Variants in KPNA7 observed in about 807,000 individuals in gnomAD.
KPNA7 encodes the protein karyopherin subunit alpha 7.
KPNA7 carries 54 observed loss-of-function variants against 53.7 expected under a neutral mutation model. The observed-to-expected ratio is 1.01, with a 90% CI of 0.81 to 1.26. KPNA7 has a LOEUF of 1.26. Among genes scored for constraint, KPNA7 ranks in the 50% most tolerant of loss-of-function variants. The pLI, the probability that KPNA7 is intolerant of heterozygous loss-of-function variation, is 0.00. For synonymous variants in KPNA7, 276 were observed against 259.3 expected (o/e 1.06, Z -0.62); for missense variants, 640 against 644.5 (o/e 0.99, Z 0.07).
chr7:99,161,235 CT>C, the KPNA7 span, among the ~76,000 whole-genome samples: 3 of 2,504 alleles, frequency 1.2e-3, no homozygotes, highest in African/African-American at 2.1e-3. Flanking sequence ...CTCTCTCTCT[CT>C]CTCTCTCTCT....
In KPNA7 at chr7:99,173,639, A is replaced by G; in HGVS notation, c.*69T>C. On this transcript the variant is annotated 3_prime_UTR_variant, in exon 11 of 11. Transcript: ENST00000327442. ...TCACATTTGGGTTACACTAAGATAG[A>G]GGACTGCTGCTTCTTAAAGAAGTTA... 1.1e-6 allele frequency: 1 copy of G among 942,072 alleles called. No homozygotes were observed. Among genetic ancestry groups the G allele is most frequent in the South Asian group, 1.6e-5 (1 of 64,100 alleles). The allele number at this position is 942,072 out of a possible 1,614,324, so 58.4% of individuals were successfully genotyped here.
intron 2 of KPNA7, among the ~76,000 whole-genome samples, chr7:99,204,347 G>A (rs1417395564): frequency 6.6e-6 from 1 of 151,840 alleles, no homozygotes; most frequent in African/African-American, 2.4e-5. Context: ...ACTCCAGCCT[G>A]GGCAATAGAG....
chr7:99,158,342 A>C, the KPNA7 span, among the ~76,000 whole-genome samples: 1 of 151,778 alleles, frequency 6.6e-6, no homozygotes, highest in Admixed American at 6.6e-5. Flanking sequence ...TCTTTCCTCT[A>C]TGTTTTTTTT....
chr7:99,195,629 G>A (rs1790189936), intron 4 of KPNA7, among the ~76,000 whole-genome samples: 1 of 152,176 alleles, frequency 6.6e-6, no homozygotes, highest in Non-Finnish European at 1.5e-5. Context: ...CTTGAACCCA[G>A]TAGGCGGAGG....
intron 8 of KPNA7, among the ~76,000 whole-genome samples, chr7:99,183,267 T>A (rs1789375814): frequency 6.6e-6 from 1 of 151,874 alleles, no homozygotes; most frequent in Non-Finnish European, 1.5e-5. Flanking sequence ...ATAATAATAA[T>A]TGCTCAATAA....
rs1790861637 is a variant in KPNA7, at chr7:99,207,269, G to A, written c.66+132C>T. The stretch of plus-strand genomic sequence containing the variant: ...AGGATCGTCTTAACCTCCTGACCTT[G>A]TGATCTGCCCGTCTCAGCCTCTCAA... On this transcript the variant is annotated intron_variant, in intron 2 of 10. Transcript: ENST00000327442. The A allele has an allele frequency of 6.9e-6, 5 of 726,112 alleles. No individual in the cohort carries two copies. In the Admixed American group the frequency reaches 1.1e-4, roughly 15 times the overall value. 45.0% of individuals were successfully genotyped at this position (726,112 alleles called of 1,614,324 possible). A position where few individuals can be genotyped will look rare whatever the true frequency, so the allele number is the denominator to read the frequency against.
chr7:99,202,837 C>A (rs1305879908), intron 3 of KPNA7, among the ~76,000 whole-genome samples: 1 of 151,762 alleles, frequency 6.6e-6, no homozygotes, highest in Non-Finnish European at 1.5e-5. Context: ...CAGAGTGAGA[C>A]CTGTCTCAAA....
chr7:99,164,836 G>A, the KPNA7 span, among the ~76,000 whole-genome samples: 6 of 152,272 alleles, frequency 3.9e-5, no homozygotes, highest in South Asian at 2.1e-4. Flanking sequence ...GGTGGCTCAC[G>A]CCTGTAATCC....
intron 10 of KPNA7, among the ~76,000 whole-genome samples, chr7:99,176,984 C>T (rs1351952485): frequency 3.3e-5 from 5 of 152,106 alleles, no homozygotes; most frequent in Non-Finnish European, 4.4e-5. Context: ...ACTCACATGT[C>T]GATTGACAGG....
chr7:99,213,054 GT>G (rs1791117387), upstream of KPNA7, among the ~76,000 whole-genome samples: 1 of 151,950 alleles, frequency 6.6e-6, no homozygotes, highest in Admixed American at 6.6e-5. Flanking sequence ...GTCTCCAAGA[GT>G]TGAGACATAG....
At chr7:99,152,482 A>G in the KPNA7 span, among the ~76,000 whole-genome samples, 153 of 152,274 alleles carry the variant, frequency 1.0e-3, 1 homozygote, top group African/African-American at 3.6e-3. Flanking sequence ...ATGGGCATAC[A>G]AAGGGAAGTG....
chr7:99,153,542 A>C, the KPNA7 span, among the ~76,000 whole-genome samples: 2 of 139,218 alleles, frequency 1.4e-5, no homozygotes, highest in East Asian at 2.0e-4. Context: ...AGAGCGAGAC[A>C]CTGTCTCAAA....
At chr7:99,157,819 G>A in the KPNA7 span, among the ~76,000 whole-genome samples, 2 of 152,150 alleles carry the variant, frequency 1.3e-5, no homozygotes, top group African/African-American at 4.8e-5. Context: ...CTGTCACCCA[G>A]GCTGGAGTGC....
In KPNA7 at chr7:99,198,561, T is replaced by G. The variant is rs574327588; in HGVS notation, c.202-2395A>C. ...ATCATCTCAATGCAGAAAAAACATT[T>G]AATGAAATTCAACATACTTCCATAA... is the stretch of plus-strand genomic sequence containing the variant. On this transcript the variant is annotated intron_variant, in intron 3 of 10. Coordinates refer to ENST00000327442, the MANE Select transcript of KPNA7 (RefSeq NM_001145715.3). 8.5e-5 allele frequency among the ~76,000 whole-genome samples: 13 copies of G among 152,180 alleles called. No homozygotes were observed. The South Asian group carries it at 2.7e-3, about 32-fold the overall frequency.
upstream of KPNA7, among the ~76,000 whole-genome samples, chr7:99,209,832 C>G (rs764365967): frequency 6.6e-6 from 1 of 151,506 alleles, no homozygotes; most frequent in Non-Finnish European, 1.5e-5. Context: ...CAAAGCAAGA[C>G]CCCCGTCTCT....
At chr7:99,159,882 TC>T in the KPNA7 span, among the ~76,000 whole-genome samples, 13 of 151,720 alleles carry the variant, frequency 8.6e-5, no homozygotes, top group African/African-American at 2.7e-4. Flanking sequence ...ATTTATAAGT[TC>T]CCCCCAAGCA....
chr7:99,207,856 G>A (rs957751343), intron 1 of KPNA7, among the ~76,000 whole-genome samples, 172 bp downstream of exon 1: 2 of 151,116 alleles, frequency 1.3e-5, no homozygotes, highest in African/African-American at 2.4e-5. Context: ...GGCTGGTCTT[G>A]AACTCCTGAC....
In KPNA7 at chr7:99,203,104, A is replaced by AC; in HGVS notation, c.201+1dup. On this transcript the variant is annotated splice_donor_variant, in intron 3 of 10. Transcript: ENST00000327442. LOFTEE classifies it high-confidence loss of function. ...AGACTACTCTAAACACTACATACTGACCGCCACCCCTTTGGCTGTTTTTTC... is the reference window on the plus strand; with the variant it reads ...AGACTACTCTAAACACTACATACTGACCCGCCACCCCTTTGGCTGTTTTTTC... 6.4e-7 allele frequency: 1 copy of AC among 1,551,570 alleles called. No individual in the cohort carries two copies. The highest frequency in any genetic ancestry group is 8.7e-7 in the Non-Finnish European group (1 of 1,146,950).
At chr7:99,185,507 C>T (rs376221871) in intron 7 of KPNA7, among the ~76,000 whole-genome samples, 32 of 152,014 alleles carry the variant, frequency 2.1e-4, no homozygotes, top group South Asian at 4.2e-4. Context: ...CCACCATGCC[C>T]GGCTAATTTT....
Sources: gnomAD v4.1 joint callset for allele counts (sites outside exome capture counted in the v4.1 genomes callset) on GRCh38, gnomAD v4.1.1 for gene constraint, MANE v1.5 for transcripts, NCBI Gene and HGNC (gene_info 2026-07-23, HGNC 2026-07-21) for gene names.